The following VASN variants were observed in gnomAD, a reference collection of about 807,000 sequenced individuals.
VASN encodes the protein vasorin.
Under a neutral mutation model 4.8 loss-of-function variants are expected in VASN, and 5 were observed. That is an observed-to-expected ratio of 1.03 (90% CI 0.54 to 2.17). The LOEUF is 2.17. Among genes scored for constraint, VASN ranks in the 30% most tolerant of loss-of-function variants. The pLI is 0.01. For missense variants in VASN, 927 were observed against 948.8 expected (o/e 0.98, Z 0.30); for synonymous variants, 499 against 460.8 (o/e 1.08, Z -1.06).
chr16:4,382,755 A>T lies in VASN; in HGVS notation c.1878A>T (p.Gly626=). The T allele has an allele frequency of 6.4e-7, 1 of 1,560,476 alleles. No individual in the cohort carries two copies. Among genetic ancestry groups the T allele is most frequent in the Non-Finnish European group, 8.7e-7 (1 of 1,153,204 alleles). Residue 626 remains glycine, a synonymous_variant, in exon 2 of 2, where the codon GGA becomes GGT. Coordinates refer to ENST00000304735, the MANE Select transcript of VASN (RefSeq NM_138440.3). ...GGGCTGGGCCCCTGGAACTGGAGGG[A>T]GTGAAGGTCCCCTTGGAGCCAGGCC... ...GPGAGPLELE[G]VKVPLEPGPK... is the part of the protein sequence containing the mutation.
chr16:4,381,795 G>A lies in VASN; in HGVS notation c.918G>A (p.Leu306=). The A allele has an allele frequency of 6.2e-7, 1 of 1,600,480 alleles. No individual in the cohort carries two copies. Residue 306 remains leucine (L), a synonymous_variant, in exon 2 of 2, where the codon CTG becomes CTA. Coordinates refer to ENST00000304735, the MANE Select transcript of VASN (RefSeq NM_138440.3). The stretch of plus-strand genomic sequence containing the variant: ...ACCCCTTCAACTGCGTGTGCCCCCT[G>A]AGCTGGTTTGGCCCCTGGGTGCGCG... ...ARNPFNCVCP[L]SWFGPWVRES...
chr16:4,372,965 G>A (rs534035434), intron 1 of VASN, among the ~76,000 whole-genome samples: 2 of 152,308 alleles, frequency 1.3e-5, no homozygotes, highest in East Asian at 3.9e-4. Context: ...CAGGGCTGGG[G>A]ATTGGATAAA....
At chr16:4,378,765 C>G (rs907886985) in intron 1 of VASN, among the ~76,000 whole-genome samples, 7 of 152,092 alleles carry the variant, frequency 4.6e-5, no homozygotes, top group Admixed American at 4.6e-4. Flanking sequence ...ATGGCAAAGG[C>G]AGGCTGGGTC....
chr16:4,379,342 C>T (rs377470352), intron 1 of VASN, among the ~76,000 whole-genome samples: 53 of 152,154 alleles, frequency 3.5e-4, no homozygotes, highest in African/African-American at 7.2e-4. Context: ...TTCCTGGGGA[C>T]GGCCCCAGCG....
At chr16:4,378,133 C>T (rs1381453350) in intron 1 of VASN, among the ~76,000 whole-genome samples, 1 of 152,240 alleles carries the variant, frequency 6.6e-6, no homozygotes, top group African/African-American at 2.4e-5. Context: ...CACACCTGGC[C>T]TTGCAGGGCT....
rs776643198 is a variant in VASN, at chr16:4,381,300, T to C, written c.423T>C (p.Pro141=). The change falls in exon 2 of 2, where the codon CCT becomes CCC. Residue 141 remains proline, a synonymous_variant. Transcript: ENST00000304735. ...LGKNRIRHIQ[P]GAFDTLDRLL... ...AGAACCGCATCCGCCACATCCAGCC[T>C]GGTGCCTTCGACACGCTCGACCGCC... 4 of 1,612,304 alleles carry C rather than the reference T, an allele frequency of 2.5e-6. No individual in the cohort carries two copies. Among genetic ancestry groups the C allele is most frequent in the Non-Finnish European group, 3.4e-6 (4 of 1,179,770 alleles).
chr16:4,379,718 C>A (rs2054880801), intron 1 of VASN, among the ~76,000 whole-genome samples: 2 of 151,996 alleles, frequency 1.3e-5, no homozygotes, highest in African/African-American at 4.8e-5. Context: ...GCTCATCTTT[C>A]TTGGTGCCCA....
At chr16:4,379,531 C>T (rs2054875612) in intron 1 of VASN, among the ~76,000 whole-genome samples, 3 of 152,142 alleles carry the variant, frequency 2.0e-5, no homozygotes, top group Non-Finnish European at 2.9e-5. Flanking sequence ...GACTTGCTGG[C>T]ACCGCAATGG....
In VASN at chr16:4,382,309, G is replaced by C. The variant is rs1355514948; in HGVS notation, c.1432G>C (p.Val478Leu). 3 of 1,610,734 alleles carry C rather than the reference G, an allele frequency of 1.9e-6. No individual in the cohort carries two copies. The highest frequency in any genetic ancestry group is 1.3e-5 in the African/African-American group (1 of 74,912). Residue 478 changes from valine (V) to leucine (L), a missense_variant, in exon 2 of 2, where the codon GTG becomes CTG. By Grantham distance (32) the Val-to-Leu change is conservative. Coordinates refer to ENST00000304735, the MANE Select transcript of VASN (RefSeq NM_138440.3). ...GCCGGTGAGCCCCACCTCCCTGCGC[G>C]TGGGGCTGCAGCGCTACCTCCAGGG... ...IEPVSPTSLR[V>L]GLQRYLQGSS...
chr16:4,375,589 A>G (rs1218696325), intron 1 of VASN, among the ~76,000 whole-genome samples: 1 of 152,096 alleles, frequency 6.6e-6, no homozygotes, highest in East Asian at 1.9e-4. Flanking sequence ...CCAGGTTCAC[A>G]CCATTCTCCT....
rs541520542 is a variant in VASN at position 4,382,053 on chromosome 16, G to A, written c.1176G>A (p.Pro392=). ...PTEPATEAPS[P]PSTAPPTVGP... is the part of the protein sequence containing the mutation. Reference sequence around the variant, plus strand: ...AGCCGGCCACTGAGGCCCCCAGCCCGCCCTCCACTGCCCCACCGACTGTAG... The same window carrying A: ...AGCCGGCCACTGAGGCCCCCAGCCCACCCTCCACTGCCCCACCGACTGTAG... Residue 392 remains proline (P), a synonymous_variant, in exon 2 of 2, where the codon CCG becomes CCA. Coordinates refer to ENST00000304735, the MANE Select transcript of VASN (RefSeq NM_138440.3). 1.1e-5 allele frequency: 17 copies of A among 1,586,304 alleles called. No homozygotes were observed. Among genetic ancestry groups the A allele is most frequent in the East Asian group, 4.6e-5 (2 of 43,702 alleles).
Position 4,382,281 on chromosome 16 carries a change from C to T in VASN, c.1404C>T (p.Ile468=), listed in dbSNP as rs189040409. 1.5e-4 allele frequency: 246 copies of T among 1,608,680 alleles called. 1 individual carries two copies. The highest frequency in any genetic ancestry group is 1.9e-4 in the Non-Finnish European group (219 of 1,178,502). The change falls in exon 2 of 2, where the codon ATC becomes ATT. Residue 468 remains isoleucine, a synonymous_variant. Transcript: ENST00000304735. ...PRPPRSLTLG[I]EPVSPTSLRV... is the part of the protein sequence containing the mutation. ...CACCACGGTCCCTGACCCTGGGCAT[C>T]GAGCCGGTGAGCCCCACCTCCCTGC...
In VASN at chr16:4,381,417, C is replaced by T. The variant is rs1397487181; in HGVS notation, c.540C>T (p.Ser180=). The change falls in exon 2 of 2, where the codon AGC becomes AGT. Residue 180 remains serine, a synonymous_variant. Transcript: ENST00000304735. The stretch of plus-strand genomic sequence containing the variant: ...TGCTGCTGGACCTCAGCCACAACAG[C>T]CTCCTGGCCCTGGAGCCCGGCATCC... ...RLLLLDLSHN[S]LLALEPGILD... 1.3e-6 allele frequency: 2 copies of T among 1,583,224 alleles called. No homozygotes were observed. Among genetic ancestry groups the T allele is most frequent in the South Asian group, 2.3e-5 (2 of 87,742 alleles).
In VASN at chr16:4,377,796, T is replaced by C. The variant is rs140466020; in HGVS notation, c.-9-3073T>C. Among the ~76,000 whole-genome samples, 60 of 152,274 alleles carry C rather than the reference T, an allele frequency of 3.9e-4. No homozygotes were observed. The East Asian group carries it at 6.2e-3, about 16-fold the overall frequency. On this transcript the variant is annotated intron_variant, in intron 1 of 1. Coordinates refer to ENST00000304735, the MANE Select transcript of VASN (RefSeq NM_138440.3). Reference sequence around the variant, plus strand: ...TCCTCCCTTTGATGTGGGGGTAGAATTGGGGCTCAGGCAAAAGAGCTCACC... The same window carrying C: ...TCCTCCCTTTGATGTGGGGGTAGAACTGGGGCTCAGGCAAAAGAGCTCACC...
chr16:4,381,324 C>T lies in VASN; in HGVS notation c.447C>T (p.Arg149=), dbSNP rs755104728. 3 of 1,610,962 alleles carry T rather than the reference C, an allele frequency of 1.9e-6. No homozygotes were observed. Among genetic ancestry groups the T allele is most frequent in the Non-Finnish European group, 2.5e-6 (3 of 1,179,206 alleles). The part of the protein sequence containing the change: ...IQPGAFDTLD[R]LLELKLQDNE... ...CTGGTGCCTTCGACACGCTCGACCG[C>T]CTCCTGGAGCTCAAGCTGCAGGACA... The change falls in exon 2 of 2, where the codon CGC becomes CGT. Residue 149 remains arginine, a synonymous_variant. Coordinates refer to ENST00000304735, the MANE Select transcript of VASN (RefSeq NM_138440.3).
At chr16:4,374,808 C>T (rs1032315298) in intron 1 of VASN, among the ~76,000 whole-genome samples, 6 of 152,134 alleles carry the variant, frequency 3.9e-5, no homozygotes, top group Non-Finnish European at 7.4e-5. Context: ...CCTTCCAGGG[C>T]CACTTCCTTC....
At chr16:4,376,685 C>T (rs897761586) in intron 1 of VASN, among the ~76,000 whole-genome samples, 1 of 152,158 alleles carries the variant, frequency 6.6e-6, no homozygotes, top group African/African-American at 2.4e-5. Context: ...TGGGCGTCCC[C>T]CTGGGAGTTG....
intron 1 of VASN, among the ~76,000 whole-genome samples, chr16:4,377,354 G>A: frequency 6.6e-6 from 1 of 150,926 alleles, no homozygotes; most frequent in Non-Finnish European, 1.5e-5. Context: ...CACCGGGTGG[G>A]AGGGTGGGTG....
At chr16:4,374,537 G>A (rs925394670) in intron 1 of VASN, among the ~76,000 whole-genome samples, 5 of 152,094 alleles carry the variant, frequency 3.3e-5, no homozygotes, top group Non-Finnish European at 5.9e-5. Flanking sequence ...GGAGGAGGGA[G>A]CCGGCCTACA....
Sources: gnomAD v4.1 joint callset for allele counts (sites outside exome capture counted in the v4.1 genomes callset) on GRCh38, gnomAD v4.1.1 for gene constraint, MANE v1.5 for transcripts, NCBI Gene and HGNC (gene_info 2026-07-23, HGNC 2026-07-21) for gene names.